Variants in JARID2 observed in about 807,000 individuals in gnomAD.
The protein encoded by JARID2 is jumonji and AT-rich interaction domain containing 2.
JARID2 carries 21 observed loss-of-function variants against 125.6 expected under a neutral mutation model. The ratio of observed to expected loss-of-function variants is 0.17; its 90% CI spans 0.12 to 0.24. The LOEUF is 0.24. Ranked by LOEUF, JARID2 falls within the 10% of genes least tolerant of loss-of-function variation. JARID2 has a pLI of 1.00. For missense variants in JARID2, 1,303 were observed against 1,639.6 expected (o/e 0.79, Z 3.55); for synonymous variants, 736 against 661.6 (o/e 1.11, Z -1.73).
chr6:15,492,741 C>A (rs1407426402), intron 6 of JARID2, among the ~76,000 whole-genome samples: 1 of 152,136 alleles, frequency 6.6e-6, no homozygotes, highest in Non-Finnish European at 1.5e-5. Context: ...CACGGACCCT[C>A]TGGGTTTCGA....
At chr6:15,477,806 A>G (rs1484393258) in intron 5 of JARID2, among the ~76,000 whole-genome samples, 1 of 152,228 alleles carries the variant, frequency 6.6e-6, no homozygotes, top group African/African-American at 2.4e-5. Flanking sequence ...TATCATTAAC[A>G]TAATGTGATT....
chr6:15,425,643 C>T (rs1766693503), intron 3 of JARID2, among the ~76,000 whole-genome samples: 1 of 152,176 alleles, frequency 6.6e-6, no homozygotes, highest in African/African-American at 2.4e-5. Context: ...TTCTACTCTA[C>T]TATGTTAGGT....
chr6:15,429,826 TC>T (rs1346580354), intron 3 of JARID2, among the ~76,000 whole-genome samples: 1 of 152,148 alleles, frequency 6.6e-6, no homozygotes, highest in Admixed American at 6.5e-5. Flanking sequence ...TACATTCTTT[TC>T]CCTGGGTACA....
At chr6:15,398,486 T>C (rs555140851) in intron 2 of JARID2, among the ~76,000 whole-genome samples, 5 of 152,348 alleles carry the variant, frequency 3.3e-5, no homozygotes, top group African/African-American at 1.2e-4. Context: ...GTGAGTCTAA[T>C]AGGGTAGTTT....
intron 1 of JARID2, among the ~76,000 whole-genome samples, chr6:15,356,413 C>T (rs1554127487): frequency 6.6e-6 from 1 of 152,126 alleles, no homozygotes; most frequent in Non-Finnish European, 1.5e-5. Context: ...CCAACGTCTG[C>T]TGTTTTTCTT....
intron 2 of JARID2, among the ~76,000 whole-genome samples, chr6:15,391,362 C>T (rs545596551): frequency 1.2e-3 from 189 of 152,238 alleles, no homozygotes; most frequent in African/African-American, 4.3e-3. Context: ...CTATTGGGTT[C>T]TGAAGTCTCT....
intron 1 of JARID2, among the ~76,000 whole-genome samples, chr6:15,249,563 C>T (rs868328612): frequency 6.6e-5 from 10 of 152,148 alleles, no homozygotes; most frequent in African/African-American, 2.4e-4. Flanking sequence ...TTAACTAAGT[C>T]ACTGAAAAGA....
intron 2 of JARID2, among the ~76,000 whole-genome samples, chr6:15,384,817 C>G (rs1294315858): frequency 2.0e-5 from 3 of 152,162 alleles, no homozygotes; most frequent in Non-Finnish European, 4.4e-5. Context: ...GATCCTCTTT[C>G]CTGCCTTGGC....
intron 3 of JARID2, among the ~76,000 whole-genome samples, chr6:15,447,908 C>A (rs1406238327): frequency 6.6e-6 from 1 of 152,192 alleles, no homozygotes; most frequent in South Asian, 2.1e-4. Context: ...CACTTTCTTC[C>A]ATTTTCCTAT....
At chr6:15,492,965 A>G (rs1770228150) in intron 6 of JARID2, among the ~76,000 whole-genome samples, 1 of 152,210 alleles carries the variant, frequency 6.6e-6, no homozygotes, top group Non-Finnish European at 1.5e-5. Flanking sequence ...ATTTGAATGT[A>G]TACCTTGCCA....
intron 6 of JARID2, among the ~76,000 whole-genome samples, chr6:15,495,145 A>G (rs1770351578): frequency 6.6e-6 from 1 of 152,188 alleles, no homozygotes; most frequent in African/African-American, 2.4e-5. Context: ...CGAAACCAGC[A>G]TGTCTGGCAG....
At chr6:15,466,534 G>A (rs901503965) in intron 4 of JARID2, among the ~76,000 whole-genome samples, 1 of 152,216 alleles carries the variant, frequency 6.6e-6, no homozygotes, top group African/African-American at 2.4e-5. Flanking sequence ...GACAGCATGT[G>A]TTAGATCGAT....
At chr6:15,424,596 G>A (rs976730371) in intron 3 of JARID2, among the ~76,000 whole-genome samples, 3 of 152,106 alleles carry the variant, frequency 2.0e-5, no homozygotes, top group Admixed American at 6.6e-5. Context: ...GGTGGCTCAC[G>A]CCTGTAATCC....
chr6:15,381,427 C>T, intron 2 of JARID2, among the ~76,000 whole-genome samples: 1 of 151,640 alleles, frequency 6.6e-6, no homozygotes, highest in East Asian at 1.9e-4. Context: ...CCTCTGCAAG[C>T]TGTAGGGAGA....
At chr6:15,433,474 C>T (rs1767059847) in intron 3 of JARID2, among the ~76,000 whole-genome samples, 1 of 147,812 alleles carries the variant, frequency 6.8e-6, no homozygotes, top group South Asian at 2.2e-4. Context: ...TAGGCAGTCG[C>T]TTAGGTGGCG....
intron 14 of JARID2, 85 bp from the exon 15 acceptor site, chr6:15,512,830 C>T: frequency 2.3e-6 from 3 of 1,303,348 alleles, no homozygotes; most frequent in Non-Finnish European, 3.2e-6. Context: ...ATTCAGACAG[C>T]CTGCCTGCCC....
rs751969709 is a variant in JARID2 at position 15,496,613 on chromosome 6, C to T, written c.1388C>T (p.Ala463Val). The T allele has an allele frequency of 2.2e-5, 35 of 1,605,288 alleles. No individual in the cohort carries two copies. Among genetic ancestry groups the T allele is most frequent in the South Asian group, 7.8e-5 (7 of 90,252 alleles). The change falls in exon 7 of 18, where the codon GCG (alanine) becomes GTG (valine). Residue 463 changes from alanine to valine, a missense_variant. Physicochemically the swap from Ala to Val is moderately conservative, Grantham distance 64. Around this residue, in one of 11 missense-constraint regions of JARID2, gnomAD observed 651 missense variants for 581.6 expected, o/e 1.12. Coordinates refer to ENST00000341776, the MANE Select transcript of JARID2 (RefSeq NM_004973.4). The part of the protein sequence containing the change: ...PQSPPKKMKG[A>V]AGPAEGPGKK... ...TCGCCCCCCAAGAAGATGAAAGGGG[C>T]GGCTGGCCCCGCCGAAGGCCCTGGC...
At chr6:15,351,590 C>T (rs1298981701) in intron 1 of JARID2, among the ~76,000 whole-genome samples, 1 of 152,114 alleles carries the variant, frequency 6.6e-6, no homozygotes, top group Non-Finnish European at 1.5e-5. Context: ...GGAGTAGGTG[C>T]ATTTATATCA....
chr6:15,398,009 A>C (rs1165217733), intron 2 of JARID2, among the ~76,000 whole-genome samples: 1 of 152,234 alleles, frequency 6.6e-6, no homozygotes, highest in Non-Finnish European at 1.5e-5. Context: ...ATAATAAGCA[A>C]GGCCACGGAT....
Sources: gnomAD v4.1 joint callset for allele counts (sites outside exome capture counted in the v4.1 genomes callset) on GRCh38, gnomAD v4.1.1 for gene constraint, gnomAD v4.1.1 regional missense constraint, MANE v1.5 for transcripts, NCBI Gene and HGNC (gene_info 2026-07-23, HGNC 2026-07-21) for gene names.